RFX6: variants seen among roughly 807,000 people sequenced by gnomAD.
RFX6 encodes the protein DNA-binding protein RFX6.
Under a neutral mutation model 110.8 loss-of-function variants are expected in RFX6, and 50 were observed. That is an observed-to-expected ratio of 0.45 (90% CI 0.36 to 0.57). The LOEUF is 0.57. Ranked by LOEUF, RFX6 falls within the 20% of genes least tolerant of loss-of-function variation. RFX6 has a pLI of 0.00. For synonymous variants in RFX6, 383 were observed against 411.2 expected, an observed-to-expected ratio of 0.93 and a Z score of 0.83; for missense variants, 990 against 1,127.0, an observed-to-expected ratio of 0.88 and a Z score of 1.74.
In RFX6 at chr6:116,922,082, T is replaced by G. The variant is rs1156945038; in HGVS notation, c.1368T>G (p.Leu456=). 3 of 1,561,172 alleles carry G rather than the reference T, an allele frequency of 1.9e-6. No homozygotes were observed. The highest frequency in any genetic ancestry group is 2.6e-6 in the Non-Finnish European group (3 of 1,132,822). ...TGTTCCAAGAACTGAAGGATCTCCT[T>G]AAGAAGAATGCCACTGTGGAGGCTT... ...ITVFQELKDL[L]KKNATVEAFI... Residue 456 remains leucine (L), a synonymous_variant, in exon 13 of 19, where the codon CTT becomes CTG. Coordinates refer to ENST00000332958, the MANE Select transcript of RFX6 (RefSeq NM_173560.4).
chr6:116,898,460 GC>G (rs1435814674), intron 6 of RFX6, among the ~76,000 whole-genome samples: 1 of 152,056 alleles, frequency 6.6e-6, no homozygotes, highest in Non-Finnish European at 1.5e-5. Flanking sequence ...TTCCCAAGTA[GC>G]TGGGACTACA....
rs1774504031 is a variant in RFX6 at position 116,878,038 on chromosome 6, C to T, written c.380+86C>T. 8.0e-6 allele frequency: 11 copies of T among 1,369,970 alleles called. No homozygotes were observed. The East Asian group carries it at 2.6e-4, about 32-fold the overall frequency. 84.9% of individuals were successfully genotyped at this position (1,369,970 alleles called of 1,614,324 possible). On this transcript the variant is annotated intron_variant, in intron 2 of 18. Transcript: ENST00000332958. ...CAGGATCTTTGATTTTCACAATTTA[C>T]TTCTTCCTCAAACTTTTTGGGAAAG...
intron 4 of RFX6, 81 bp downstream of exon 4, chr6:116,882,509 C>A: frequency 3.0e-6 from 3 of 999,148 alleles, no homozygotes; most frequent in South Asian, 2.6e-5. Flanking sequence ...TTGTCTTTGT[C>A]AGTACAAAGA....
chr6:116,927,652 G>A, intron 17 of RFX6, 113 bp downstream of exon 17: 1 of 853,640 alleles, frequency 1.2e-6, no homozygotes. Flanking sequence ...GGCTTCCAAA[G>A]ATCATGGAAT....
chr6:116,892,294 G>C (rs1774849118), intron 4 of RFX6, among the ~76,000 whole-genome samples: 1 of 152,204 alleles, frequency 6.6e-6, no homozygotes, highest in South Asian at 2.1e-4. Flanking sequence ...ACTTTGGGGG[G>C]CTCATTCTGG....
intron 11 of RFX6, 37 bp downstream of exon 11, chr6:116,919,333 C>T: frequency 6.3e-7 from 1 of 1,581,746 alleles, no homozygotes; most frequent in South Asian, 1.1e-5. Context: ...TTTGAGTCAC[C>T]ATATAAAAAA....
chr6:116,931,050 G>T (rs1241748266), intron 18 of RFX6, among the ~76,000 whole-genome samples: 2 of 152,100 alleles, frequency 1.3e-5, no homozygotes, highest in South Asian at 2.1e-4. Flanking sequence ...AAGTGCAGAT[G>T]GAAAGAGGAG....
At chr6:116,906,119 C>CACAGA (rs2114683581) in intron 6 of RFX6, among the ~76,000 whole-genome samples, 1 of 152,132 alleles carries the variant, frequency 6.6e-6, no homozygotes, top group Non-Finnish European at 1.5e-5. Flanking sequence ...GTCCTTTCCC[C>CACAGA]ATAGAATTGT....
At position 116,915,873 on chromosome 6, in the gene RFX6, ATT is replaced by A; in HGVS notation, c.781-131_781-130del. On this transcript the variant is annotated intron_variant, in intron 7 of 18. Coordinates refer to ENST00000332958, the MANE Select transcript of RFX6 (RefSeq NM_173560.4). The stretch of plus-strand genomic sequence containing the variant: ...TCCTTGAAATAAGAATTTTGCCTTA[ATT>A]TTTGAGTCCTCAACATTGAGCATAC... 5.5e-6 allele frequency: 4 copies of A among 725,152 alleles called. No homozygotes were observed. The South Asian group carries it at 6.0e-5, about 11-fold the overall frequency. The allele number at this position is 725,152 out of a possible 1,614,324, so 44.9% of individuals were successfully genotyped here. A position where few individuals can be genotyped will look rare whatever the true frequency, so the allele number is the denominator to read the frequency against.
At chr6:116,908,501 T>C (rs1427423533) in intron 6 of RFX6, among the ~76,000 whole-genome samples, 1 of 152,120 alleles carries the variant, frequency 6.6e-6, no homozygotes, top group Non-Finnish European at 1.5e-5. Flanking sequence ...GAGTTCATTA[T>C]TATTCTGGCT....
chr6:116,925,794 G>C, intron 16 of RFX6, 135 bp downstream of exon 16: 2 of 689,156 alleles, frequency 2.9e-6, no homozygotes, highest in Non-Finnish European at 5.1e-6. Flanking sequence ...TTTTAATAAA[G>C]ATTTATAATA....
At chr6:116,923,808 A>G (rs1179867014) in intron 14 of RFX6, among the ~76,000 whole-genome samples, 1 of 152,178 alleles carries the variant, frequency 6.6e-6, no homozygotes, top group Non-Finnish European at 1.5e-5. Flanking sequence ...TTTTTATAAA[A>G]TTGAATGCCT....
chr6:116,891,905 A>G (rs1410286420), intron 4 of RFX6, among the ~76,000 whole-genome samples: 2 of 151,872 alleles, frequency 1.3e-5, no homozygotes, highest in Non-Finnish European at 2.9e-5. Flanking sequence ...GTTCCATTAT[A>G]CCTTAGAGGT....
rs762488509 is a variant in RFX6, at chr6:116,927,071, C to G, written c.1930C>G (p.Pro644Ala). 6.2e-7 allele frequency: 1 copy of G among 1,614,018 alleles called. No individual in the cohort carries two copies. Among genetic ancestry groups the G allele is most frequent in the East Asian group, 2.2e-5 (1 of 44,882 alleles). ...GATTGCTGGTCATCTGATGACACCA[C>G]CCATTTCTCCAGCCATGGCAAGCCG... ...SQIAGHLMTP[P>A]ISPAMASRGS... The change falls in exon 17 of 19, where the codon CCC becomes GCC. Residue 644 changes from proline to alanine, a missense_variant. Coordinates refer to ENST00000332958, the MANE Select transcript of RFX6 (RefSeq NM_173560.4).
chr6:116,929,565 C>T (rs550528826), intron 18 of RFX6, among the ~76,000 whole-genome samples: 1 of 152,296 alleles, frequency 6.6e-6, no homozygotes, highest in East Asian at 1.9e-4. Context: ...GTGAAGCCTC[C>T]TGGAATCTTC....
rs1035540100 is a variant in RFX6 at position 116,922,115 on chromosome 6, A to G, written c.1401A>G (p.Glu467=). ...KKNATVEAFI[E]WLDTVVEQRV... ...ATGCCACTGTGGAGGCTTTTATTGA[A>G]TGGTTGGATACTGTGGTAGAACAGA... is the stretch of plus-strand genomic sequence containing the variant. Residue 467 remains glutamate (E), a synonymous_variant, in exon 13 of 19, where the codon GAA becomes GAG. Coordinates refer to ENST00000332958, the MANE Select transcript of RFX6 (RefSeq NM_173560.4). 5.9e-6 allele frequency: 9 copies of G among 1,538,312 alleles called. No individual in the cohort carries two copies. In the African/African-American group the frequency reaches 1.2e-4, roughly 21 times the overall value.
intron 4 of RFX6, chr6:116,885,031 A>T (rs182278636): frequency 6.6e-6 from 1 of 152,298 alleles, no homozygotes; most frequent in African/African-American, 2.4e-5. Flanking sequence ...TTTTGACATA[A>T]TTATTCTTAG....
At position 116,882,404 on chromosome 6, in the gene RFX6, G is replaced by A. The variant is rs267607013; in HGVS notation, c.542G>A (p.Arg181Gln). The A allele has an allele frequency of 1.2e-6, 2 of 1,612,554 alleles. No homozygotes were observed. The highest frequency in any genetic ancestry group is 8.5e-7 in the Non-Finnish European group (1 of 1,178,872). Reference protein sequence around the residue: ...RQKFPLLTTRRLGTRGHSKYH... With the variant: ...RQKFPLLTTRQLGTRGHSKYH... ...AAGTTTCCCCTCCTAACAACAAGGCGGCTTGGAACAAGAGGCCATTCAAAG... is the reference window on the plus strand; with the variant it reads ...AAGTTTCCCCTCCTAACAACAAGGCAGCTTGGAACAAGAGGCCATTCAAAG... The change falls in exon 4 of 19, where the codon CGG becomes CAG. Residue 181 changes from arginine to glutamine, a missense_variant. Coordinates refer to ENST00000332958, the MANE Select transcript of RFX6 (RefSeq NM_173560.4).
chr6:116,908,669 T>TACACACACACACACAC (rs753592440), intron 6 of RFX6, among the ~76,000 whole-genome samples: 3 of 102,296 alleles, frequency 2.9e-5, no homozygotes, highest in Non-Finnish European at 4.3e-5. Context: ...ATTTCTAGCA[T>TACACACACACACACAC]ACACACACAC....
Sources: allele counts gnomAD v4.1 joint callset (sites outside exome capture counted in the v4.1 genomes callset), GRCh38; gene constraint gnomAD v4.1.1; transcripts MANE v1.5; gene names NCBI Gene and HGNC (gene_info 2026-07-23, HGNC 2026-07-21).